The following PDS5A variants were observed in gnomAD, a reference collection of about 807,000 sequenced individuals.
PDS5A encodes sister chromatid cohesion protein PDS5 homolog A.
A neutral mutation model predicts 167.1 loss-of-function variants in PDS5A; 42 were observed. The ratio of observed to expected loss-of-function variants is 0.25; its 90% CI spans 0.20 to 0.33. The LOEUF (loss-of-function observed/expected upper bound fraction) is 0.33, where lower values mean the gene tolerates loss of function less well. PDS5A is among the 10% of genes least tolerant of loss of function. The probability of loss-of-function intolerance (pLI) is 1.00; values close to 1 mark genes in which losing one functional copy is unlikely to be tolerated. For missense variants in PDS5A, 1,033 were observed against 1,605.9 expected (o/e 0.64, Z 6.10); for synonymous variants, 553 against 554.6 (o/e 1.00, Z 0.04).
intron 2 of PDS5A, among the ~76,000 whole-genome samples, chr4:39,955,656 G>A (rs1728854918): frequency 6.6e-6 from 1 of 152,044 alleles, no homozygotes; most frequent in Non-Finnish European, 1.5e-5. Context: ...ACTGAGGGGA[G>A]GCATTACTGT....
intron 31 of PDS5A, among the ~76,000 whole-genome samples, chr4:39,841,501 G>A (rs1717012655): frequency 6.6e-6 from 1 of 151,708 alleles, no homozygotes; most frequent in Admixed American, 6.6e-5. Context: ...CTACGGGTAG[G>A]TGACCACACA....
At chr4:39,914,234 T>C (rs190360877) in intron 8 of PDS5A, among the ~76,000 whole-genome samples, 13 of 147,786 alleles carry the variant, frequency 8.8e-5, no homozygotes, top group African/African-American at 3.0e-4. Flanking sequence ...CGATCTCAGC[T>C]CACTGCAACC....
At chr4:39,938,830 C>T (rs547548405) in intron 2 of PDS5A, among the ~76,000 whole-genome samples, 5 of 151,888 alleles carry the variant, frequency 3.3e-5, no homozygotes, top group Admixed American at 2.0e-4. Context: ...ATTAGCTGGG[C>T]GTGGTGGCGC....
chr4:39,828,942 G>GAA (rs1264761683), intron 32 of PDS5A, among the ~76,000 whole-genome samples: 3 of 152,186 alleles, frequency 2.0e-5, no homozygotes, highest in Non-Finnish European at 4.4e-5. Flanking sequence ...CCTGGAGTTA[G>GAA]AATGCAGGGC....
At chr4:39,898,983 G>A (rs1009093275) in intron 14 of PDS5A, among the ~76,000 whole-genome samples, 158 bp from the exon 15 acceptor site, 23 of 152,026 alleles carry the variant, frequency 1.5e-4, no homozygotes, top group African/African-American at 4.3e-4. Context: ...ACATATATAC[G>A]CTAAACTAAC....
At chr4:39,906,540 C>T (rs1371598854) in intron 11 of PDS5A, among the ~76,000 whole-genome samples, 1 of 150,166 alleles carries the variant, frequency 6.7e-6, no homozygotes, top group Admixed American at 6.7e-5. Flanking sequence ...GAAAGGAGAC[C>T]ATAAAAACTT....
rs548877734 is a variant in PDS5A, at chr4:39,935,380, G to A, written c.139-7216C>T. Reference sequence around the variant, plus strand: ...CCCAAAGCGCTGGGATTATAGGCGTGAGCCACCGCGTCTGGCCTTCCGATG... The same window carrying A: ...CCCAAAGCGCTGGGATTATAGGCGTAAGCCACCGCGTCTGGCCTTCCGATG... On this transcript the variant is annotated intron_variant, in intron 2 of 32. Transcript: ENST00000303538. 3.9e-5 allele frequency among the ~76,000 whole-genome samples: 6 copies of A among 152,340 alleles called. No individual in the cohort carries two copies. The East Asian group carries it at 1.2e-3, about 29-fold the overall frequency.
chr4:39,933,666 A>C (rs1390939368), intron 2 of PDS5A: 1 of 151,318 alleles, frequency 6.6e-6, no homozygotes, highest in African/African-American at 2.4e-5. Context: ...TATTCACAGA[A>C]TTGAAAGAAA....
chr4:39,897,729 G>C lies in PDS5A; in HGVS notation c.1770+660C>G, dbSNP rs138461531. Among the ~76,000 whole-genome samples, 702 of 152,176 alleles carry C rather than the reference G, an allele frequency of 4.6e-3. 8 individuals carry two copies. Among genetic ancestry groups the C allele is most frequent in the African/African-American group, 0.016 (662 of 41,498 alleles). ...AAAATTTAAAAACTTAGCTGGGTGT[G>C]GATGCGTGTGCCAATAGTTCTAGCT... On this transcript the variant is annotated intron_variant, in intron 16 of 32. Coordinates refer to ENST00000303538, the MANE Select transcript of PDS5A (RefSeq NM_001100399.2).
intron 32 of PDS5A, among the ~76,000 whole-genome samples, chr4:39,831,767 C>T (rs780161156): frequency 2.0e-4 from 28 of 141,152 alleles, no homozygotes; most frequent in Admixed American, 3.9e-4. Context: ...ATCCCAGCTA[C>T]TAGGGAGGCT....
intron 4 of PDS5A, among the ~76,000 whole-genome samples, chr4:39,926,348 G>A (rs1034267777): frequency 6.6e-6 from 1 of 151,878 alleles, no homozygotes; most frequent in Non-Finnish European, 1.5e-5. Context: ...GAGAAACCCC[G>A]TCTCTACTAA....
Position 39,877,154 on chromosome 4 carries a change from C to A in PDS5A, c.1993-1G>T. ...AGGTAGGATGTGTAAAAGACAGAACCTGAAAAAACAGATACAGCTTTAGAA... is the reference window on the plus strand; with the variant it reads ...AGGTAGGATGTGTAAAAGACAGAACATGAAAAAACAGATACAGCTTTAGAA... On this transcript the variant is annotated splice_acceptor_variant, in intron 18 of 32. Transcript: ENST00000303538. LOFTEE classifies it high-confidence loss of function. The A allele has an allele frequency of 1.3e-6, 2 of 1,540,720 alleles. No homozygotes were observed. Among genetic ancestry groups the A allele is most frequent in the South Asian group, 1.3e-5 (1 of 79,262 alleles).
At chr4:39,936,256 G>A (rs1003476948) in intron 2 of PDS5A, among the ~76,000 whole-genome samples, 7 of 152,022 alleles carry the variant, frequency 4.6e-5, no homozygotes, top group Admixed American at 2.6e-4. Flanking sequence ...CCACCTTAGC[G>A]CAGAACCCCA....
At chr4:39,896,419 G>A (rs1415293656) in intron 16 of PDS5A, among the ~76,000 whole-genome samples, 1 of 143,592 alleles carries the variant, frequency 7.0e-6, no homozygotes, top group African/African-American at 2.6e-5. Flanking sequence ...GTGTACAGCT[G>A]TACACAAAAT....
chr4:39,893,367 T>C (rs1051159051), intron 16 of PDS5A, among the ~76,000 whole-genome samples: 1 of 152,174 alleles, frequency 6.6e-6, no homozygotes, highest in Non-Finnish European at 1.5e-5. Flanking sequence ...TAATCTTTGC[T>C]CAAAGTATGT....
chr4:39,858,699 T>C (rs1382696324), intron 26 of PDS5A, among the ~76,000 whole-genome samples: 3 of 152,054 alleles, frequency 2.0e-5, no homozygotes, highest in Non-Finnish European at 4.4e-5. Context: ...CCTCGGCTCA[T>C]TGCAACCTCC....
At position 39,890,254 on chromosome 4, in the gene PDS5A, G is replaced by A; in HGVS notation, c.1881C>T (p.Ala627=). 3 of 1,500,490 alleles carry A rather than the reference G, an allele frequency of 2.0e-6. No individual in the cohort carries two copies. Among genetic ancestry groups the A allele is most frequent in the Non-Finnish European group, 2.7e-6 (3 of 1,096,026 alleles). The allele number at this position is 1,500,490 out of a possible 1,614,324, so 92.9% of individuals were successfully genotyped here. A position where few individuals can be genotyped will look rare whatever the true frequency, so the allele number is the denominator to read the frequency against. The part of the protein sequence containing the change: ...RIAPVHIDSE[A]ISALVKLMNK... The stretch of plus-strand genomic sequence containing the variant: ...GAATATACTTCTTGGCTTACCTTAT[G>A]GCTTCTGAATCAATGTGCACAGGTG... Residue 627 remains alanine, a synonymous_variant, in exon 17 of 33, where the codon GCC becomes GCT. Transcript: ENST00000303538.
At chr4:39,890,773 T>A (rs963362324) in intron 16 of PDS5A, among the ~76,000 whole-genome samples, 1 of 151,942 alleles carries the variant, frequency 6.6e-6, no homozygotes, top group East Asian at 1.9e-4. Flanking sequence ...CGTGCCTCCA[T>A]GCCCAGCTAA....
In PDS5A at chr4:39,885,132, G is replaced by A. The variant is rs375555759; in HGVS notation, c.1886+5117C>T. ...CAAAAAATTAACCTAGCATGGTGGCGCACACCTGTAGATACAGCTACTCGG... is the reference window on the plus strand; with the variant it reads ...CAAAAAATTAACCTAGCATGGTGGCACACACCTGTAGATACAGCTACTCGG... On this transcript the variant is annotated intron_variant, in intron 17 of 32. Transcript: ENST00000303538. Among the ~76,000 whole-genome samples the A allele has an allele frequency of 5.0e-4, 75 of 150,630 alleles. No homozygotes were observed. In the South Asian group the frequency reaches 8.4e-3, roughly 17 times the overall value.
Sources: gnomAD v4.1 joint callset for allele counts (sites outside exome capture counted in the v4.1 genomes callset) on GRCh38, gnomAD v4.1.1 for gene constraint, MANE v1.5 for transcripts, NCBI Gene and HGNC (gene_info 2026-07-23, HGNC 2026-07-21) for gene names.